The following SUSD2 variants were observed in gnomAD, a reference collection of about 807,000 sequenced individuals.
SUSD2 encodes the protein sushi domain-containing protein 2.
Under a neutral mutation model 93.8 loss-of-function variants are expected in SUSD2, and 86 were observed. The ratio of observed to expected loss-of-function variants is 0.92; its 90% CI spans 0.77 to 1.10. The LOEUF (loss-of-function observed/expected upper bound fraction) is 1.10. Among genes scored for constraint, SUSD2 ranks in the 50% least tolerant of loss-of-function variants. The probability of loss-of-function intolerance (pLI) is 0.00; values close to 1 mark genes in which losing one functional copy is unlikely to be tolerated. For missense variants in SUSD2, 1,060 were observed against 1,137.0 expected, an observed-to-expected ratio of 0.93 and a Z score of 0.97; for synonymous variants, 483 against 485.0, an observed-to-expected ratio of 1.00 and a Z score of 0.05.
intron 5 of SUSD2, 50 bp from the exon 6 acceptor site, chr22:24,185,044 A>G (rs1569339958): frequency 6.2e-7 from 1 of 1,610,808 alleles, no homozygotes; most frequent in Non-Finnish European, 8.5e-7. Flanking sequence ...GAGTGGGGCG[A>G]CCATGGGGTG....
Position 24,184,117 on chromosome 22 carries a change from C to T in SUSD2, c.440-19C>T, listed in dbSNP as rs749012857. On this transcript the variant is annotated intron_variant, in intron 3 of 14. Transcript: ENST00000358321. ...CCCTGGGCCCAGGCCCTCACTCACC[C>T]CTCACCTCCCCTGCCCAGTGCACCC... 6.2e-7 allele frequency: 1 copy of T among 1,611,230 alleles called. No homozygotes were observed. The highest frequency in any genetic ancestry group is 1.7e-5 in the Admixed American group (1 of 60,012).
rs1165783484 is a variant in SUSD2, at chr22:24,181,555, G to T, written c.36G>T (p.Leu12=). The change falls in exon 1 of 15, where the codon CTG becomes CTT. Residue 12 remains leucine (L), a synonymous_variant. Transcript: ENST00000358321. ...KPALLPWALL[L]LATALGPGPG... ...CCCTCCTGCCCTGGGCCCTGCTGCT[G>T]CTGGCGACAGCCCTCGGCCCGGGCC... 1.3e-6 allele frequency: 2 copies of T among 1,599,292 alleles called. No homozygotes were observed. The highest frequency in any genetic ancestry group is 1.7e-5 in the Admixed American group (1 of 59,142).
In SUSD2 at chr22:24,185,924, G is replaced by A; in HGVS notation, c.1334G>A (p.Arg445Lys). The change falls in exon 8 of 15, where the codon AGA becomes AAA. Residue 445 changes from arginine to lysine, a missense_variant. Arg to Lys is a conservative substitution (Grantham distance 26). This residue lies in a region of SUSD2 where 973 missense variants were observed against 1,005.3 expected (regional missense o/e 0.97). Transcript: ENST00000358321. ...GACTGCCGCAACTACCGGCCCCCAA[G>A]ACTGGGTGGGTGCCATCCCGTGCCC... ...SNDCRNYRPP[R>K]LASAFGDPHF... 6.4e-7 allele frequency: 1 copy of A among 1,569,692 alleles called. No homozygotes were observed. Among genetic ancestry groups the A allele is most frequent in the South Asian group, 1.2e-5 (1 of 85,218 alleles).
At chr22:24,182,585 C>G (rs1396850393) in intron 1 of SUSD2, 1 of 179,636 alleles carries the variant, frequency 5.6e-6, no homozygotes, top group Non-Finnish European at 1.2e-5. Flanking sequence ...CCATATCCCC[C>G]ACCCCAGTCC....
rs574694261 is a variant in SUSD2, at chr22:24,184,627, G to A, written c.608-139G>A. 465 of 694,010 alleles carry A rather than the reference G, an allele frequency of 6.7e-4. 3 individuals are homozygous for A. In the African/African-American group the frequency reaches 7.1e-3, roughly 11 times the overall value. 43.0% of individuals were successfully genotyped at this position (694,010 alleles called of 1,614,324 possible). A position where few individuals can be genotyped will look rare whatever the true frequency, so the allele number is the denominator to read the frequency against. ...GCAGGAGGTGATGGTCACCCAAGCC[G>A]GGGTCCCTGCTAGAACAGCCCCTCC... On this transcript the variant is annotated intron_variant, in intron 4 of 14. Coordinates refer to ENST00000358321, the MANE Select transcript of SUSD2 (RefSeq NM_019601.4).
intron 10 of SUSD2, 67 bp from the exon 11 acceptor site, chr22:24,187,135 C>T (rs2047371924): frequency 1.9e-6 from 3 of 1,565,554 alleles, no homozygotes; most frequent in East Asian, 4.5e-5. Context: ...ACCACCCTGT[C>T]CTGGGGCTGC....
Position 24,181,566 on chromosome 22 carries a change from C to T in SUSD2, c.47C>T (p.Ala16Val), listed in dbSNP as rs1381441430. 2 of 1,600,234 alleles carry T rather than the reference C, an allele frequency of 1.2e-6. No individual in the cohort carries two copies. The highest frequency in any genetic ancestry group is 2.2e-5 in the South Asian group (2 of 88,936). Residue 16 changes from alanine (A) to valine (V), a missense_variant, in exon 1 of 15, where the codon GCC becomes GTC. Ala to Val is a moderately conservative substitution (Grantham distance 64). Around this residue, in one of 2 missense-constraint regions of SUSD2, gnomAD observed 87 missense variants for 131.6 expected, o/e 0.66. Coordinates refer to ENST00000358321, the MANE Select transcript of SUSD2 (RefSeq NM_019601.4). ...LPWALLLLATALGPGPGPTAD... is the reference protein window; with the variant it reads ...LPWALLLLATVLGPGPGPTAD... ...TGGGCCCTGCTGCTGCTGGCGACAG[C>T]CCTCGGCCCGGGCCCCGGACCCACA...
In SUSD2 at chr22:24,183,141, G is replaced by A. The variant is rs758090653; in HGVS notation, c.161G>A (p.Cys54Tyr). Reference sequence around the variant, plus strand: ...CCGACGTGCTCTGGCCTTGGCACCTGCTGCTTGGATTTCCGGGACTTCTGC... The same window carrying A: ...CCGACGTGCTCTGGCCTTGGCACCTACTGCTTGGATTTCCGGGACTTCTGC... ...CHPTCSGLGT[C>Y]CLDFRDFCLE... The change falls in exon 2 of 15, where the codon TGC (cysteine) becomes TAC (tyrosine). Residue 54 changes from cysteine to tyrosine, a missense_variant. Cys to Tyr is a radical substitution (Grantham distance 194). Transcript: ENST00000358321. 45 of 1,614,052 alleles carry A rather than the reference G, an allele frequency of 2.8e-5. No homozygotes were observed. Among genetic ancestry groups the A allele is most frequent in the Non-Finnish European group, 3.8e-5 (45 of 1,179,878 alleles).
At chr22:24,181,634 C>G in intron 1 of SUSD2, 39 bp downstream of exon 1, 1 of 1,490,886 alleles carries the variant, frequency 6.7e-7, no homozygotes, top group Non-Finnish European at 9.1e-7. Flanking sequence ...GTCTGTCTGT[C>G]CATCTGTCTG....
Position 24,181,545 on chromosome 22 carries a change from C to T in SUSD2, c.26C>T (p.Ala9Val). MKPALLPW[A>V]LLLLATALGP... ...ATGAAGCCAGCCCTCCTGCCCTGGG[C>T]CCTGCTGCTGCTGGCGACAGCCCTC... Residue 9 changes from alanine to valine, a missense_variant, in exon 1 of 15, where the codon GCC becomes GTC. Physicochemically the swap from Ala to Val is moderately conservative, Grantham distance 64. Around this residue, in one of 2 missense-constraint regions of SUSD2, gnomAD observed 87 missense variants for 131.6 expected, o/e 0.66. Transcript: ENST00000358321. The T allele has an allele frequency of 6.3e-7, 1 of 1,596,984 alleles. No individual in the cohort carries two copies. Among genetic ancestry groups the T allele is most frequent in the Non-Finnish European group, 8.5e-7 (1 of 1,174,816 alleles).
chr22:24,186,202 A>G lies in SUSD2; in HGVS notation c.1483+43A>G. On this transcript the variant is annotated intron_variant, in intron 9 of 14. Transcript: ENST00000358321. ...GGCTGCTCTGGTTGGCATGGGGTAG[A>G]ACCAAGGTGGGAGGCTGGAGCCAAG... 4 of 1,609,882 alleles carry G rather than the reference A, an allele frequency of 2.5e-6. No homozygotes were observed. The South Asian group carries it at 3.3e-5, about 13-fold the overall frequency.
Position 24,183,167 on chromosome 22 carries a change from C to T in SUSD2, c.187C>T (p.Leu63=). ...CTGCTTGGATTTCCGGGACTTCTGC[C>T]TGGAGATATTGCCCTACTCAGGATC... ...TCCLDFRDFC[L]EILPYSGSMM... is the part of the protein sequence containing the mutation. Residue 63 remains leucine, a synonymous_variant, in exon 2 of 15, where the codon CTG becomes TTG. Coordinates refer to ENST00000358321, the MANE Select transcript of SUSD2 (RefSeq NM_019601.4). 6.2e-7 allele frequency: 1 copy of T among 1,614,040 alleles called. No homozygotes were observed. The highest frequency in any genetic ancestry group is 8.5e-7 in the Non-Finnish European group (1 of 1,179,890).
In SUSD2 at chr22:24,186,304, G is replaced by A; in HGVS notation, c.1531G>A (p.Gly511Ser). The A allele has an allele frequency of 6.2e-7, 1 of 1,613,930 alleles. No homozygotes were observed. The highest frequency in any genetic ancestry group is 1.1e-5 in the South Asian group (1 of 91,088). ...TGLTAVAVQE[G>S]NSDVVEVRLA... ...GCTGACCGCAGTGGCCGTCCAGGAG[G>A]GCAACTCAGATGTGGTGGAAGTCAG... Residue 511 changes from glycine (G) to serine (S), a missense_variant, in exon 10 of 15, where the codon GGC becomes AGC. By Grantham distance (56) the Gly-to-Ser change is moderately conservative. This residue lies in a region of SUSD2 where 973 missense variants were observed against 1,005.3 expected (regional missense o/e 0.97). Transcript: ENST00000358321.
intron 1 of SUSD2, 91 bp downstream of exon 1, chr22:24,181,686 TC>T: frequency 9.6e-7 from 1 of 1,042,446 alleles, no homozygotes. Flanking sequence ...TCAGCCTCTG[TC>T]CATCTGTCAG....
rs2047354805 is a variant in SUSD2, at chr22:24,185,360, C to G, written c.984+65C>G. 6.4e-6 allele frequency: 10 copies of G among 1,557,518 alleles called. No individual in the cohort carries two copies. In the South Asian group the frequency reaches 8.1e-5, roughly 13 times the overall value. On this transcript the variant is annotated intron_variant, in intron 6 of 14. Transcript: ENST00000358321. Reference sequence around the variant, plus strand: ...TTAGCCTCCCCACTGAGGACAGCACCAGGGGAGGCAGACAGAGGTGTCCTG... The same window carrying G: ...TTAGCCTCCCCACTGAGGACAGCACGAGGGGAGGCAGACAGAGGTGTCCTG...
rs2047373270 is a variant in SUSD2 at position 24,187,242 on chromosome 22, C to G, written c.1683C>G (p.Ile561Met). 1 of 1,613,722 alleles carries G rather than the reference C, an allele frequency of 6.2e-7. No homozygotes were observed. Among genetic ancestry groups the G allele is most frequent in the Admixed American group, 1.7e-5 (1 of 60,002 alleles). Residue 561 changes from isoleucine to methionine, a missense_variant, in exon 11 of 15, where the codon ATC becomes ATG. Ile to Met is a conservative substitution (Grantham distance 10). Coordinates refer to ENST00000358321, the MANE Select transcript of SUSD2 (RefSeq NM_019601.4). ...TGGCTGCCGGGGACAGGGTCTCCAT[C>G]ATGCTGGCATCAGGGGCCGGCCTGG... ...LSVAAGDRVS[I>M]MLASGAGLEV...
rs375225269 is a variant in SUSD2 at position 24,185,915 on chromosome 22, G to A, written c.1325G>A (p.Arg442Gln). Reference protein sequence around the residue: ...RRPSNDCRNYRPPRLASAFGD... With the variant: ...RRPSNDCRNYQPPRLASAFGD... ...CCCTCCAATGACTGCCGCAACTACC[G>A]GCCCCCAAGACTGGGTGGGTGCCAT... is the stretch of plus-strand genomic sequence containing the variant. Residue 442 changes from arginine to glutamine, a missense_variant, in exon 8 of 15, where the codon CGG becomes CAG. Physicochemically the swap from Arg to Gln is conservative, Grantham distance 43 (BLOSUM62 1). This residue lies in a region of SUSD2 where 973 missense variants were observed against 1,005.3 expected (regional missense o/e 0.97). Coordinates refer to ENST00000358321, the MANE Select transcript of SUSD2 (RefSeq NM_019601.4). 1.9e-5 allele frequency: 30 copies of A among 1,570,108 alleles called. 2 individuals carry two copies. In the South Asian group the frequency reaches 2.5e-4, roughly 13 times the overall value.
Position 24,185,152 on chromosome 22 carries a change from T to A in SUSD2, c.841T>A (p.Phe281Ile), listed in dbSNP as rs377304190. Residue 281 changes from phenylalanine (F) to isoleucine (I), a missense_variant, in exon 6 of 15, where the codon TTC becomes ATC. Physicochemically the swap from Phe to Ile is conservative, Grantham distance 21. Coordinates refer to ENST00000358321, the MANE Select transcript of SUSD2 (RefSeq NM_019601.4). ...HALAWHLSDDFREDPVAWART... is the reference protein window; with the variant it reads ...HALAWHLSDDIREDPVAWART... Reference sequence around the variant, plus strand: ...ACTGGCCTGGCACCTGAGCGATGACTTCCGAGAGGACCCTGTGGCCTGGGC... The same window carrying A: ...ACTGGCCTGGCACCTGAGCGATGACATCCGAGAGGACCCTGTGGCCTGGGC... The A allele has an allele frequency of 1.9e-6, 3 of 1,612,644 alleles. No individual in the cohort carries two copies. The African/African-American group carries it at 4.0e-5, about 22-fold the overall frequency.
At position 24,187,710 on chromosome 22, in the gene SUSD2, A is replaced by G. The variant is rs1326020341; in HGVS notation, c.2031A>G (p.Gln677=). ...SETTLNPSLA[Q]EAAKLCGDDH... ...CCACCCTCAACCCCAGCCTGGCACA[A>G]GAGGCAGCCAAACTATGTGGGGACG... The change falls in exon 12 of 15, where the codon CAA becomes CAG. Residue 677 remains glutamine, a synonymous_variant. Coordinates refer to ENST00000358321, the MANE Select transcript of SUSD2 (RefSeq NM_019601.4). 1 of 1,614,064 alleles carries G rather than the reference A, an allele frequency of 6.2e-7. No individual in the cohort carries two copies. Among genetic ancestry groups the G allele is most frequent in the East Asian group, 2.2e-5 (1 of 44,882 alleles).
Sources: gnomAD v4.1 joint callset for allele counts on GRCh38, gnomAD v4.1.1 for gene constraint, gnomAD v4.1.1 regional missense constraint, MANE v1.5 for transcripts, NCBI Gene and HGNC (gene_info 2026-07-23, HGNC 2026-07-21) for gene names.